ARHGAP28: variants seen among roughly 807,000 people sequenced by gnomAD.
ARHGAP28 encodes rho GTPase-activating protein 28.
ARHGAP28 carries 56 observed loss-of-function variants against 90.7 expected under a neutral mutation model. That is an observed-to-expected ratio of 0.62 (90% CI 0.50 to 0.77). The LOEUF is 0.77. ARHGAP28 is among the 30% of genes least tolerant of loss of function. The pLI, the probability that ARHGAP28 is intolerant of heterozygous loss-of-function variation, is 0.00. For synonymous variants in ARHGAP28, 308 were observed against 323.3 expected, an observed-to-expected ratio of 0.95 and a Z score of 0.51; for missense variants, 869 against 900.9, an observed-to-expected ratio of 0.96 and a Z score of 0.45.
chr18:6,743,205 C>G (rs555409828), intron 1 of ARHGAP28, among the ~76,000 whole-genome samples: 1 of 152,266 alleles, frequency 6.6e-6, no homozygotes, highest in South Asian at 2.1e-4. Context: ...AGAAATCTAG[C>G]ATTTTTAAAA....
At chr18:6,771,878 G>C (rs1001143929) in intron 1 of ARHGAP28, among the ~76,000 whole-genome samples, 6 of 152,182 alleles carry the variant, frequency 3.9e-5, no homozygotes, top group Non-Finnish European at 7.4e-5. Flanking sequence ...CAGCATGTTA[G>C]GGTGACTAGC....
chr18:6,733,240 A>G (rs1180904922), intron 1 of ARHGAP28, among the ~76,000 whole-genome samples: 1 of 152,200 alleles, frequency 6.6e-6, no homozygotes, highest in Non-Finnish European at 1.5e-5. Flanking sequence ...TTTTAAAATC[A>G]GTATTCAGAA....
chr18:6,870,051 T>C (rs536394788), intron 6 of ARHGAP28, among the ~76,000 whole-genome samples: 38 of 152,250 alleles, frequency 2.5e-4, no homozygotes, highest in African/African-American at 8.9e-4. Context: ...TAACAGAAAT[T>C]CCGATTAATT....
intron 1 of ARHGAP28, among the ~76,000 whole-genome samples, chr18:6,730,804 C>T (rs573331934): frequency 3.9e-5 from 6 of 152,290 alleles, no homozygotes; most frequent in African/African-American, 1.2e-4. Context: ...GATCCACTGA[C>T]GAGTGCTTTT....
intron 15 of ARHGAP28, 64 bp downstream of exon 15, chr18:6,894,955 A>C: frequency 7.0e-7 from 1 of 1,436,270 alleles, no homozygotes; most frequent in Non-Finnish European, 9.8e-7. Flanking sequence ...GGCGACATCC[A>C]CCACATTTAT....
chr18:6,862,192 A>C (rs1036502525), intron 5 of ARHGAP28, among the ~76,000 whole-genome samples: 2 of 152,316 alleles, frequency 1.3e-5, no homozygotes, highest in East Asian at 3.9e-4. Context: ...CTTCTTGGTT[A>C]TAAGGAACCA....
At position 6,777,961 on chromosome 18, in the gene ARHGAP28, G is replaced by A. The variant is rs556691975; in HGVS notation, c.123-46801G>A. 1.6e-4 allele frequency among the ~76,000 whole-genome samples: 25 copies of A among 152,206 alleles called. No individual in the cohort carries two copies. The South Asian group carries it at 3.5e-3, about 21-fold the overall frequency. On this transcript the variant is annotated intron_variant, in intron 1 of 17. Coordinates refer to ENST00000383472, the MANE Select transcript of ARHGAP28 (RefSeq NM_001366230.1). The stretch of plus-strand genomic sequence containing the variant: ...GGTGGCTACACTGGGGACTCTGATT[G>A]GACATAGGTATTTCCCAAGCCTTCA...
chr18:6,872,507 A>G (rs1567977574), intron 7 of ARHGAP28, among the ~76,000 whole-genome samples: 1 of 152,250 alleles, frequency 6.6e-6, no homozygotes. Flanking sequence ...ACTCCTATGG[A>G]AAATGTGAAC....
intron 1 of ARHGAP28, among the ~76,000 whole-genome samples, chr18:6,817,067 G>T (rs2056595888): frequency 6.6e-6 from 1 of 151,624 alleles, no homozygotes; most frequent in Admixed American, 6.6e-5. Flanking sequence ...TCCAGCCTGG[G>T]TGGCAGAGAC....
At chr18:6,855,106 G>A (rs986098954) in intron 4 of ARHGAP28, among the ~76,000 whole-genome samples, 4 of 152,340 alleles carry the variant, frequency 2.6e-5, no homozygotes, top group Non-Finnish European at 2.9e-5. Flanking sequence ...TGGGCACTGC[G>A]GATGGCATGT....
At chr18:6,821,800 G>C (rs1224502787) in intron 1 of ARHGAP28, among the ~76,000 whole-genome samples, 1 of 152,104 alleles carries the variant, frequency 6.6e-6, no homozygotes, top group Non-Finnish European at 1.5e-5. Context: ...AGTTTTATGA[G>C]GGTCTCTTCC....
chr18:6,887,268 C>A (rs1223883396), intron 12 of ARHGAP28, 29 bp downstream of exon 12: 1 of 1,604,046 alleles, frequency 6.2e-7, no homozygotes, highest in East Asian at 2.2e-5. Context: ...ACAGCTTGTC[C>A]TGGGGCTCTT....
At chr18:6,887,494 G>A (rs7245365) in intron 12 of ARHGAP28, among the ~76,000 whole-genome samples, 2,334 of 148,176 alleles carry the variant, frequency 0.016, 56 homozygotes, top group African/African-American at 0.056. Flanking sequence ...GCAGTGGCAC[G>A]ATCACAACTC....
At chr18:6,850,720 G>A in intron 3 of ARHGAP28, 1 of 1,166,054 alleles carries the variant, frequency 8.6e-7, no homozygotes, top group Non-Finnish European at 1.2e-6. Context: ...AGTCTTTTTA[G>A]TTAGAACATA....
rs577603522 is a variant in ARHGAP28, at chr18:6,915,329, A to C, written c.*3175A>C. ...GTTAAAATGTCCCTTCTTCCTAGCG[A>C]GCATATTTCAACTGTTCTTCATAAA... On this transcript the variant is annotated 3_prime_UTR_variant, in exon 18 of 18. Transcript: ENST00000383472. 6.6e-6 allele frequency: 1 copy of C among 152,330 alleles called. No homozygotes were observed. Among genetic ancestry groups the C allele is most frequent in the South Asian group, 2.1e-4 (1 of 4,826 alleles). The allele number at this position is 152,330 out of a possible 1,614,324, so 9.4% of individuals were successfully genotyped here.
At chr18:6,769,827 G>A (rs369372538) in intron 1 of ARHGAP28, among the ~76,000 whole-genome samples, 3 of 152,244 alleles carry the variant, frequency 2.0e-5, no homozygotes, top group African/African-American at 7.2e-5. Context: ...GTGTCTTCAC[G>A]GCATTTATCA....
In ARHGAP28 at chr18:6,876,096, G is replaced by A; in HGVS notation, c.1213-35G>A. Reference sequence around the variant, plus strand: ...TTTCATATGTTTATGATCATATAGAGGTACTTATTCTGGTAATATATCATT... The same window carrying A: ...TTTCATATGTTTATGATCATATAGAAGTACTTATTCTGGTAATATATCATT... On this transcript the variant is annotated intron_variant, in intron 9 of 17. Transcript: ENST00000383472. 2 of 1,460,410 alleles carry A rather than the reference G, an allele frequency of 1.4e-6. 1 individual carries two copies. The highest frequency in any genetic ancestry group is 2.3e-5 in the South Asian group (2 of 87,946). The allele number at this position is 1,460,410 out of a possible 1,614,324, so 90.5% of individuals were successfully genotyped here.
intron 1 of ARHGAP28, among the ~76,000 whole-genome samples, chr18:6,759,546 T>C (rs1278850347): frequency 6.6e-6 from 1 of 152,250 alleles, no homozygotes; most frequent in Admixed American, 6.5e-5. Flanking sequence ...GCTTAAGCCC[T>C]GCACCTAATA....
At chr18:6,771,560 G>A (rs1033496816) in intron 1 of ARHGAP28, among the ~76,000 whole-genome samples, 1 of 152,080 alleles carries the variant, frequency 6.6e-6, no homozygotes, top group Admixed American at 6.5e-5. Context: ...TTCATCTCTT[G>A]GTAATTTTAT....
Sources: gnomAD v4.1 joint callset for allele counts (sites outside exome capture counted in the v4.1 genomes callset) on GRCh38, gnomAD v4.1.1 for gene constraint, MANE v1.5 for transcripts, NCBI Gene and HGNC (gene_info 2026-07-23, HGNC 2026-07-21) for gene names.